The following FBXL17 variants were observed in gnomAD, a reference collection of about 807,000 sequenced individuals.
The protein encoded by FBXL17 is F-box and leucine rich repeat protein 17.
FBXL17 carries 22 observed loss-of-function variants against 66.2 expected under a neutral mutation model. That is an observed-to-expected ratio of 0.33 (90% confidence interval 0.24 to 0.47). The LOEUF (loss-of-function observed/expected upper bound fraction) is 0.47. FBXL17 is among the 20% of genes least tolerant of loss of function. FBXL17 has a pLI of 1.00. For missense variants in FBXL17, 878 were observed against 948.2 expected, an observed-to-expected ratio of 0.93 and a Z score of 0.97; for synonymous variants, 474 against 400.5, an observed-to-expected ratio of 1.18 and a Z score of -2.19.
intron 4 of FBXL17, among the ~76,000 whole-genome samples, chr5:108,292,045 A>T (rs1160724346): frequency 6.6e-6 from 1 of 151,996 alleles, no homozygotes. Flanking sequence ...AATGGATGTT[A>T]CTCTTCTATT....
intron 6 of FBXL17, among the ~76,000 whole-genome samples, chr5:108,073,517 C>T (rs911249699): frequency 6.6e-6 from 1 of 151,754 alleles, no homozygotes; most frequent in Non-Finnish European, 1.5e-5. Flanking sequence ...CGAAAAATAA[C>T]CAAAACTAAA....
At chr5:108,378,626 T>C (rs966835999) in intron 1 of FBXL17, among the ~76,000 whole-genome samples, 2 of 152,224 alleles carry the variant, frequency 1.3e-5, no homozygotes, top group Non-Finnish European at 2.9e-5. Context: ...GGCTCTACCG[T>C]GGCTCCAACA....
intron 7 of FBXL17, among the ~76,000 whole-genome samples, chr5:107,894,935 T>C (rs1338217167): frequency 6.6e-6 from 1 of 152,142 alleles, no homozygotes; most frequent in African/African-American, 2.4e-5. Flanking sequence ...TTCTGCACTT[T>C]AAATTCAGAC....
At chr5:108,036,790 T>C (rs1358691654) in intron 6 of FBXL17, among the ~76,000 whole-genome samples, 1 of 152,206 alleles carries the variant, frequency 6.6e-6, no homozygotes, top group African/African-American at 2.4e-5. Flanking sequence ...GAGAGAAGAA[T>C]TGATGCACAG....
In FBXL17 at chr5:107,866,264, G is replaced by A. The variant is rs183994584; in HGVS notation, c.1966-4404C>T. On this transcript the variant is annotated intron_variant, in intron 8 of 8. Coordinates refer to ENST00000542267, the MANE Select transcript of FBXL17 (RefSeq NM_001163315.3). ...GAAGAAATTACTGTGATTAAAGGGG[G>A]AAAAACCATGTGCCACAAATTTTTT... Among the ~76,000 whole-genome samples the A allele has an allele frequency of 1.0e-3, 154 of 152,188 alleles. 1 individual carries two copies. The highest frequency in any genetic ancestry group is 3.6e-3 in the African/African-American group (148 of 41,530).
chr5:108,052,026 T>C (rs1014767803), intron 6 of FBXL17, among the ~76,000 whole-genome samples: 7 of 141,680 alleles, frequency 4.9e-5, no homozygotes, highest in Non-Finnish European at 1.0e-4. Flanking sequence ...GGCAGGAGAA[T>C]GGCGTGAACC....
chr5:108,142,200 T>A (rs1374438938), intron 6 of FBXL17, among the ~76,000 whole-genome samples: 1 of 152,228 alleles, frequency 6.6e-6, no homozygotes, highest in African/African-American at 2.4e-5. Context: ...ATTCTCTCTC[T>A]ATTCCTATCA....
At chr5:108,065,340 A>G (rs1282332207) in intron 6 of FBXL17, among the ~76,000 whole-genome samples, 13 of 152,212 alleles carry the variant, frequency 8.5e-5, no homozygotes. Context: ...GCATCCTTAA[A>G]TATTATTTTA....
At chr5:108,013,138 G>A (rs1459405728) in intron 7 of FBXL17, among the ~76,000 whole-genome samples, 8 of 150,934 alleles carry the variant, frequency 5.3e-5, no homozygotes, top group Admixed American at 5.3e-4. Context: ...TTATTGTTAC[G>A]AAAGTTTGTT....
At chr5:108,156,527 A>C (rs1475404217) in intron 6 of FBXL17, among the ~76,000 whole-genome samples, 1 of 151,964 alleles carries the variant, frequency 6.6e-6, no homozygotes, top group Non-Finnish European at 1.5e-5. Context: ...TGAGAGTTAA[A>C]ATTTCCTGGA....
At chr5:108,009,159 T>G in intron 7 of FBXL17, among the ~76,000 whole-genome samples, 1 of 128,178 alleles carries the variant, frequency 7.8e-6, no homozygotes, top group Non-Finnish European at 1.7e-5. Context: ...GCAAAATGTA[T>G]ATTATATCAG....
At chr5:107,885,693 G>A (rs1748942152) in intron 7 of FBXL17, among the ~76,000 whole-genome samples, 2 of 152,062 alleles carry the variant, frequency 1.3e-5, no homozygotes, top group African/African-American at 2.4e-5. Context: ...ACCACCCTTC[G>A]TAAAAAGCAC....
At chr5:108,276,149 A>C (rs1757473667) in intron 4 of FBXL17, among the ~76,000 whole-genome samples, 2 of 152,206 alleles carry the variant, frequency 1.3e-5, no homozygotes, top group Non-Finnish European at 2.9e-5. Context: ...ATTTATTTTA[A>C]TGTTTCTTAA....
chr5:107,935,953 C>A (rs1750895454), intron 7 of FBXL17, among the ~76,000 whole-genome samples: 1 of 152,128 alleles, frequency 6.6e-6, no homozygotes, highest in South Asian at 2.1e-4. Context: ...CTGAGTGGGG[C>A]TGTAGGGTCA....
chr5:108,235,904 A>C (rs949601711), intron 4 of FBXL17, among the ~76,000 whole-genome samples: 4 of 152,200 alleles, frequency 2.6e-5, no homozygotes, highest in African/African-American at 7.2e-5. Flanking sequence ...TTTTGATGCA[A>C]AGAAAAACAG....
intron 6 of FBXL17, among the ~76,000 whole-genome samples, chr5:108,183,286 G>A (rs535930836): frequency 3.4e-4 from 52 of 152,050 alleles, no homozygotes; most frequent in African/African-American, 1.2e-3. Context: ...TGATCTGCCC[G>A]CCTCAGCCTC....
At chr5:108,206,996 T>C (rs532926309) in intron 5 of FBXL17, among the ~76,000 whole-genome samples, 100 of 152,276 alleles carry the variant, frequency 6.6e-4, no homozygotes, top group South Asian at 4.3e-3. Context: ...ATGTGTAAAA[T>C]TGGACCACAA....
intron 7 of FBXL17, among the ~76,000 whole-genome samples, chr5:107,979,292 T>A (rs542059258): frequency 6.6e-6 from 1 of 152,214 alleles, no homozygotes; most frequent in Admixed American, 6.5e-5. Context: ...AGTTTAATCA[T>A]CTTTCAGATA....
intron 6 of FBXL17, among the ~76,000 whole-genome samples, chr5:108,041,873 A>G (rs2112804890): frequency 6.6e-6 from 1 of 152,198 alleles, no homozygotes; most frequent in East Asian, 1.9e-4. Context: ...TACTTCTTCT[A>G]TCATACTCAT....
Sources: allele counts gnomAD v4.1 joint callset (sites outside exome capture counted in the v4.1 genomes callset), GRCh38; gene constraint gnomAD v4.1.1; transcripts MANE v1.5; gene names NCBI Gene and HGNC (gene_info 2026-07-23, HGNC 2026-07-21).